GPAT3: variants seen among roughly 807,000 people sequenced by gnomAD.
GPAT3 encodes 1-AGP acyltransferase 9.
Under a neutral mutation model 58.8 loss-of-function variants are expected in GPAT3, and 53 were observed. The observed-to-expected ratio is 0.90, with a 90% CI of 0.72 to 1.13. The LOEUF is 1.13. Among genes scored for constraint, GPAT3 ranks in the 50% most tolerant of loss-of-function variants. The pLI, the probability that GPAT3 is intolerant of heterozygous loss-of-function variation, is 0.00. For missense variants in GPAT3, 511 were observed against 527.6 expected, an observed-to-expected ratio of 0.97 and a Z score of 0.31; for synonymous variants, 197 against 187.4, an observed-to-expected ratio of 1.05 and a Z score of -0.42.
chr4:83,567,302 T>G (rs1725435526), intron 2 of GPAT3, among the ~76,000 whole-genome samples: 1 of 152,186 alleles, frequency 6.6e-6, no homozygotes, highest in Non-Finnish European at 1.5e-5. Context: ...TATTTTTCCA[T>G]CTCATGTTAA....
chr4:83,584,938 A>G (rs1446022863), intron 3 of GPAT3, among the ~76,000 whole-genome samples: 1 of 152,248 alleles, frequency 6.6e-6, no homozygotes, highest in Non-Finnish European at 1.5e-5. Flanking sequence ...AAACTGGGAT[A>G]CATAATGTTC....
intron 7 of GPAT3, among the ~76,000 whole-genome samples, chr4:83,596,243 G>A (rs1321472907): frequency 6.6e-6 from 1 of 152,174 alleles, no homozygotes; most frequent in Non-Finnish European, 1.5e-5. Context: ...CAAAGCTCAT[G>A]ACACAGAGGC....
At chr4:83,553,294 G>T (rs1724820850) in intron 2 of GPAT3, among the ~76,000 whole-genome samples, 1 of 152,168 alleles carries the variant, frequency 6.6e-6, no homozygotes, top group South Asian at 2.1e-4. Context: ...TCACAGAAAG[G>T]AAGGCTCCCA....
At chr4:83,571,832 G>A (rs1725622383) in intron 2 of GPAT3, among the ~76,000 whole-genome samples, 1 of 151,764 alleles carries the variant, frequency 6.6e-6, no homozygotes, top group Admixed American at 6.6e-5. Flanking sequence ...GAGTGCAGTG[G>A]TGCCATCTCG....
chr4:83,597,495 A>G lies in GPAT3; in HGVS notation c.976A>G (p.Ile326Val), dbSNP rs952353899. The change falls in exon 9 of 12, where the codon ATA becomes GTA. Residue 326 changes from isoleucine (I) to valine (V), a missense_variant. Physicochemically the swap from Ile to Val is conservative, Grantham distance 29. Coordinates refer to ENST00000264409, the MANE Select transcript of GPAT3 (RefSeq NM_032717.5). Reference sequence around the variant, plus strand: ...GGGGAGCTTTGAAATTGGAGGAACCATACATCCAGTTGCAATTAAGGTAAA... The same window carrying G: ...GGGGAGCTTTGAAATTGGAGGAACCGTACATCCAGTTGCAATTAAGGTAAA... ...KKGSFEIGGT[I>V]HPVAIKYNPQ... 1.5e-5 allele frequency: 24 copies of G among 1,570,858 alleles called. No individual in the cohort carries two copies. In the Admixed American group the frequency reaches 2.6e-4, roughly 17 times the overall value.
intron 11 of GPAT3, among the ~76,000 whole-genome samples, chr4:83,602,411 A>G (rs1344443421): frequency 2.6e-5 from 4 of 152,236 alleles, no homozygotes; most frequent in African/African-American, 9.6e-5. Flanking sequence ...TAAAAAAAAG[A>G]AAGTGGCCTC....
chr4:83,579,081 C>CCTTTCCTTCCTTCCTTCCTT (rs1560621462), intron 2 of GPAT3, among the ~76,000 whole-genome samples: 2 of 19,680 alleles, frequency 1.0e-4, no homozygotes, highest in African/African-American at 3.7e-4. Flanking sequence ...TTTCTTTCTT[C>CCTTTCCTTCCTTCCTTCCTT]CCTTCCTTCC....
intron 2 of GPAT3, among the ~76,000 whole-genome samples, chr4:83,566,045 G>C (rs897534711): frequency 6.6e-6 from 1 of 152,072 alleles, no homozygotes; most frequent in Non-Finnish European, 1.5e-5. Context: ...TTATTTCCCC[G>C]AGCAACCTGT....
intron 1 of GPAT3, among the ~76,000 whole-genome samples, chr4:83,541,366 TAC>T (rs1453100229): frequency 1.3e-5 from 2 of 150,648 alleles, no homozygotes; most frequent in African/African-American, 4.9e-5. Flanking sequence ...CACAGACGTG[TAC>T]CACCATGCCC....
chr4:83,590,101 C>A, intron 5 of GPAT3, 98 bp from the exon 6 acceptor site: 1 of 1,090,736 alleles, frequency 9.2e-7, no homozygotes, highest in Non-Finnish European at 1.3e-6. Context: ...AAAAAAATTA[C>A]ATATATACAC....
chr4:83,560,666 T>C lies in GPAT3; in HGVS notation c.208+16064T>C, dbSNP rs909232060. Among the ~76,000 whole-genome samples, 7 of 152,186 alleles carry C rather than the reference T, an allele frequency of 4.6e-5. No individual in the cohort carries two copies. In the South Asian group the frequency reaches 1.4e-3, roughly 32 times the overall value. ...TGTGTCCTCCTGCTCAAATCGCATG[T>C]TGAAATATAATCCCCAGTGTTGGAG... On this transcript the variant is annotated intron_variant, in intron 2 of 11. Transcript: ENST00000264409.
chr4:83,597,508 C>A lies in GPAT3; in HGVS notation c.989C>A (p.Ala330Glu). The part of the protein sequence containing the change: ...FEIGGTIHPV[A>E]IKYNPQFGDA... Reference sequence around the variant, plus strand: ...ATTGGAGGAACCATACATCCAGTTGCAATTAAGGTAAAACAGATACCATAA... The same window carrying A: ...ATTGGAGGAACCATACATCCAGTTGAAATTAAGGTAAAACAGATACCATAA... Residue 330 changes from alanine (A) to glutamate (E), a missense_variant, in exon 9 of 12, where the codon GCA (alanine) becomes GAA (glutamate). By Grantham distance (107) the Ala-to-Glu change is moderately radical. Coordinates refer to ENST00000264409, the MANE Select transcript of GPAT3 (RefSeq NM_032717.5). The A allele has an allele frequency of 6.5e-7, 1 of 1,549,190 alleles. No individual in the cohort carries two copies. Among genetic ancestry groups the A allele is most frequent in the Non-Finnish European group, 8.8e-7 (1 of 1,139,474 alleles).
chr4:83,537,205 T>C (rs1724130816), intron 1 of GPAT3, among the ~76,000 whole-genome samples: 1 of 152,246 alleles, frequency 6.6e-6, no homozygotes, highest in South Asian at 2.1e-4. Flanking sequence ...ATCATGTTCT[T>C]CTTTATGCCC....
chr4:83,547,546 C>G (rs1479660009), intron 2 of GPAT3, among the ~76,000 whole-genome samples: 1 of 152,114 alleles, frequency 6.6e-6, no homozygotes, highest in African/African-American at 2.4e-5. Flanking sequence ...GCTACTGCGC[C>G]TGGCCTCTGC....
At chr4:83,537,267 G>A (rs1724133034) in intron 1 of GPAT3, among the ~76,000 whole-genome samples, 1 of 152,154 alleles carries the variant, frequency 6.6e-6, no homozygotes, top group African/African-American at 2.4e-5. Flanking sequence ...TTTTATTTTA[G>A]TGGAGTCATG....
Position 83,588,304 on chromosome 4 carries a change from G to A in GPAT3, c.644+5G>A. ...TACCATTCATTATCATAACAAGTGA[G>A]TATCTGCTCCAATGTGCCTGTCTTT... On this transcript the variant is annotated splice_donor_5th_base_variant and intron_variant, in intron 5 of 11. Transcript: ENST00000264409. The A allele has an allele frequency of 6.8e-7, 1 of 1,461,022 alleles. No homozygotes were observed. Among genetic ancestry groups the A allele is most frequent in the Non-Finnish European group, 9.0e-7 (1 of 1,111,278 alleles). The allele number at this position is 1,461,022 out of a possible 1,614,324, so 90.5% of individuals were successfully genotyped here.
chr4:83,593,739 A>T (rs1228157472), intron 6 of GPAT3, among the ~76,000 whole-genome samples: 1 of 152,170 alleles, frequency 6.6e-6, no homozygotes, highest in Non-Finnish European at 1.5e-5. Flanking sequence ...GATGGAGGGT[A>T]TGTAGTCAGA....
At chr4:83,566,692 G>A in intron 2 of GPAT3, among the ~76,000 whole-genome samples, 1 of 151,424 alleles carries the variant, frequency 6.6e-6, no homozygotes, top group East Asian at 1.9e-4. Context: ...ATTTATTGAG[G>A]AAGGTTTGAC....
At position 83,598,432 on chromosome 4, in the gene GPAT3, T is replaced by C. The variant is rs1726929616; in HGVS notation, c.1126-212T>C. ...TCTTGGGTAAGACTAATAAAGAGCG[T>C]AATAAATATATGCACATGGTAAAAA... On this transcript the variant is annotated intron_variant, in intron 10 of 11. Transcript: ENST00000264409. 7 of 690,790 alleles carry C rather than the reference T, an allele frequency of 1.0e-5. No homozygotes were observed. In the South Asian group the frequency reaches 1.2e-4, roughly 12 times the overall value. The allele number at this position is 690,790 out of a possible 1,614,324, so 42.8% of individuals were successfully genotyped here.
Sources: allele counts gnomAD v4.1 joint callset (sites outside exome capture counted in the v4.1 genomes callset), GRCh38; gene constraint gnomAD v4.1.1; transcripts MANE v1.5; gene names NCBI Gene and HGNC (gene_info 2026-07-23, HGNC 2026-07-21).